Variants in RDH12 observed in about 807,000 individuals in gnomAD.
RDH12 encodes the protein retinol dehydrogenase 12, also known as all-trans and 9-cis retinol dehydrogenase.
A neutral mutation model predicts 34.0 loss-of-function variants in RDH12; 21 were observed. That is an observed-to-expected ratio of 0.62 (90% CI 0.44 to 0.89). RDH12 has a LOEUF of 0.89. Ranked by LOEUF, RDH12 falls within the 40% of genes least tolerant of loss-of-function variation. The pLI, the probability that RDH12 is intolerant of heterozygous loss-of-function variation, is 0.00. For missense variants in RDH12, 394 were observed against 398.6 expected (o/e 0.99, Z 0.10); for synonymous variants, 198 against 169.9 (o/e 1.17, Z -1.29).
At chr14:67,706,769 C>T (rs1315629694) in intron 1 of RDH12, among the ~76,000 whole-genome samples, 2 of 152,084 alleles carry the variant, frequency 1.3e-5, no homozygotes, top group East Asian at 3.8e-4. Context: ...TTTCTCCACC[C>T]TTTAAAAAAA....
At chr14:67,706,237 A>G (rs1319593472) in intron 1 of RDH12, 1 of 152,364 alleles carries the variant, frequency 6.6e-6, no homozygotes, top group African/African-American at 2.4e-5. Flanking sequence ...TGGGCAACAT[A>G]GCAATGCACG....
rs911283205 is a variant in RDH12 at position 67,722,589 on chromosome 14, G to T, written c.-54G>T. The T allele has an allele frequency of 7.5e-6, 11 of 1,472,538 alleles. No homozygotes were observed. The highest frequency in any genetic ancestry group is 1.4e-5 in the African/African-American group (1 of 72,142). 91.2% of individuals were successfully genotyped at this position (1,472,538 alleles called of 1,614,324 possible). ...CAGACCAGGAACCTGAGCCAGAGCT[G>T]GGGTTGAAGCTGGAGCAGCAGCAAA... On this transcript the variant is annotated 5_prime_UTR_variant, in exon 3 of 9. Transcript: ENST00000551171.
At chr14:67,719,460 A>T (rs1252000589) in intron 1 of RDH12, among the ~76,000 whole-genome samples, 1 of 152,050 alleles carries the variant, frequency 6.6e-6, no homozygotes, top group Non-Finnish European at 1.5e-5. Context: ...TTTTTGCTGA[A>T]AAGTTTATTT....
chr14:67,712,577 C>T (rs978647513), intron 1 of RDH12, among the ~76,000 whole-genome samples: 3 of 133,130 alleles, frequency 2.3e-5, no homozygotes, highest in Non-Finnish European at 4.9e-5. Context: ...TAAATACAAA[C>T]ACACCTTGGA....
At chr14:67,729,906 C>T (rs780380121) in intron 8 of RDH12, 1 of 436,626 alleles carries the variant, frequency 2.3e-6, no homozygotes, top group Admixed American at 2.6e-5. Context: ...AAGGGAAGCC[C>T]AGGGTGAAAT....
chr14:67,730,750 C>T (rs1594868414), intron 8 of RDH12, among the ~76,000 whole-genome samples: 1 of 152,008 alleles, frequency 6.6e-6, no homozygotes, highest in Admixed American at 6.6e-5. Context: ...ATTACAGGTG[C>T]CCGCCACCAC....
intron 7 of RDH12, 112 bp from the exon 8 acceptor site, chr14:67,729,079 G>C (rs1161298813): frequency 2.8e-6 from 3 of 1,082,834 alleles, no homozygotes; most frequent in Non-Finnish European, 4.2e-6. Flanking sequence ...TGAATCCTGG[G>C]GTTATGTTTC....
rs2037985164 is a variant in RDH12, at chr14:67,709,344, G to T, written c.-275+7409G>T. 2.6e-5 allele frequency among the ~76,000 whole-genome samples: 4 copies of T among 152,118 alleles called. No individual in the cohort carries two copies. The South Asian group carries it at 8.3e-4, about 32-fold the overall frequency. On this transcript the variant is annotated intron_variant, in intron 1 of 8. Transcript: ENST00000551171. Reference sequence around the variant, plus strand: ...TAAGCCCTAATAAAAACAGCATGAAGCCAATTAAATTCATTTTTCAAAATT... The same window carrying T: ...TAAGCCCTAATAAAAACAGCATGAATCCAATTAAATTCATTTTTCAAAATT...
At chr14:67,716,348 AT>A (rs2038069827) in intron 1 of RDH12, among the ~76,000 whole-genome samples, 1 of 152,162 alleles carries the variant, frequency 6.6e-6, no homozygotes, top group African/African-American at 2.4e-5. Context: ...GAGAGGAGAT[AT>A]ATTTAAGTTG....
intron 7 of RDH12, among the ~76,000 whole-genome samples, chr14:67,728,636 A>G (rs1227200999): frequency 6.6e-6 from 1 of 151,612 alleles, no homozygotes; most frequent in African/African-American, 2.4e-5. Context: ...AATACATTTA[A>G]AGCATGTTGT....
intron 1 of RDH12, among the ~76,000 whole-genome samples, chr14:67,707,834 G>C (rs2037966772): frequency 6.6e-6 from 1 of 152,158 alleles, no homozygotes; most frequent in South Asian, 2.1e-4. Context: ...GGGCCTGTCA[G>C]AAAGTGACAT....
At chr14:67,727,349 C>T (rs1388064178) in intron 7 of RDH12, 159 bp downstream of exon 7, 2 of 690,598 alleles carry the variant, frequency 2.9e-6, no homozygotes, top group Non-Finnish European at 5.1e-6. Context: ...AGAGTGCTTG[C>T]CCCCAGGGAG....
At chr14:67,713,272 C>A (rs202069653) in intron 1 of RDH12, among the ~76,000 whole-genome samples, 33 of 148,562 alleles carry the variant, frequency 2.2e-4, no homozygotes, top group Non-Finnish European at 4.2e-4. Flanking sequence ...AAACAAAAAA[C>A]AAAACAAAAA....
chr14:67,721,750 T>G (rs889505135), intron 2 of RDH12, among the ~76,000 whole-genome samples: 5 of 149,262 alleles, frequency 3.3e-5, no homozygotes, highest in African/African-American at 1.2e-4. Flanking sequence ...TATATATATA[T>G]ATATATATAT....
intron 1 of RDH12, chr14:67,715,119 T>G (rs1451602572): frequency 6.6e-6 from 1 of 152,354 alleles, no homozygotes; most frequent in Non-Finnish European, 1.5e-5. Flanking sequence ...GTGCCAGCCT[T>G]CTCCACTTTG....
chr14:67,702,566 G>A (rs927866920), intron 1 of RDH12, among the ~76,000 whole-genome samples: 1 of 152,126 alleles, frequency 6.6e-6, no homozygotes, highest in African/African-American at 2.4e-5. Context: ...AGGCAAATAT[G>A]TATGTTGACA....
intron 1 of RDH12, among the ~76,000 whole-genome samples, chr14:67,716,808 C>T (rs577437559): frequency 4.5e-4 from 67 of 150,352 alleles, no homozygotes; most frequent in African/African-American, 1.3e-3. Context: ...TGCTTGGGCC[C>T]GGGAGGTGGA....
rs1594864246 is a variant in RDH12, at chr14:67,722,702, A to G, written c.60A>G (p.Pro20=). 3 of 1,613,458 alleles carry G rather than the reference A, an allele frequency of 1.9e-6. No homozygotes were observed. The highest frequency in any genetic ancestry group is 2.5e-6 in the Non-Finnish European group (3 of 1,179,356). ...SFFSFLYMVA[P]SIRKFFAGGV... The stretch of plus-strand genomic sequence containing the variant: ...TCTCGTTCCTGTATATGGTAGCTCC[A>G]TCCATCAGGTTTGTCTTAATTCAGC... The change falls in exon 3 of 9, where the codon CCA becomes CCG. Residue 20 remains proline, a synonymous_variant. Transcript: ENST00000551171.
chr14:67,727,100 A>T lies in RDH12; in HGVS notation c.568A>T (p.Ser190Cys). 2 of 1,614,184 alleles carry T rather than the reference A, an allele frequency of 1.2e-6. No individual in the cohort carries two copies. Residue 190 changes from serine (S) to cysteine (C), a missense_variant, in exon 7 of 9, where the codon AGC becomes TGC. Ser to Cys is a moderately radical substitution (Grantham distance 112). Coordinates refer to ENST00000551171, the MANE Select transcript of RDH12 (RefSeq NM_152443.3). ...CAAGATTCCCTTCCACGACCTCCAG[A>T]GCGAGAAGCGCTACAGCAGGGGTTT... ...IGKIPFHDLQ[S>C]EKRYSRGFAY...
Sources: allele counts gnomAD v4.1 joint callset (sites outside exome capture counted in the v4.1 genomes callset), GRCh38; gene constraint gnomAD v4.1.1; transcripts MANE v1.5; gene names NCBI Gene and HGNC (gene_info 2026-07-23, HGNC 2026-07-21).